Variants in CNTNAP2 observed in about 807,000 individuals in gnomAD.
CNTNAP2 encodes the protein contactin-associated protein-like 2.
In CNTNAP2, 98 loss-of-function variants were observed where a neutral mutation model predicts 155.2. That is an observed-to-expected ratio of 0.63 (90% CI 0.54 to 0.75). The LOEUF is 0.75. CNTNAP2 is among the 30% of genes least tolerant of loss of function. The pLI, the probability that CNTNAP2 is intolerant of heterozygous loss-of-function variation, is 0.00. For synonymous variants in CNTNAP2, 651 were observed against 631.2 expected, an observed-to-expected ratio of 1.03 and a Z score of -0.47; for missense variants, 1,727 against 1,688.1, an observed-to-expected ratio of 1.02 and a Z score of -0.40.
intron 1 of CNTNAP2, among the ~76,000 whole-genome samples, chr7:146,272,654 C>T (rs1219960772): frequency 6.8e-6 from 1 of 147,794 alleles, no homozygotes; most frequent in Non-Finnish European, 1.5e-5. Context: ...GTTTGTATAT[C>T]AGTGTGTGTG....
chr7:146,127,488 C>T (rs1797653592), intron 1 of CNTNAP2, among the ~76,000 whole-genome samples: 1 of 152,152 alleles, frequency 6.6e-6, no homozygotes, highest in Non-Finnish European at 1.5e-5. Context: ...AAAGAATAAA[C>T]CACAAATATT....
chr7:147,695,834 A>G (rs1346457924), intron 13 of CNTNAP2, among the ~76,000 whole-genome samples: 44 of 152,138 alleles, frequency 2.9e-4, no homozygotes, highest in Admixed American at 2.9e-3. Context: ...ATTTTTAAAA[A>G]GTATATTTAC....
At chr7:146,665,800 A>AAAAAAAAC (rs1563179456) in intron 1 of CNTNAP2, among the ~76,000 whole-genome samples, 3 of 144,708 alleles carry the variant, frequency 2.1e-5, no homozygotes, top group African/African-American at 8.0e-5. Context: ...AAAAAAAAAT[A>AAAAAAAAC]CATTTTGTAA....
At chr7:148,220,615 C>T (rs1462339725) in intron 19 of CNTNAP2, among the ~76,000 whole-genome samples, 1 of 135,296 alleles carries the variant, frequency 7.4e-6, no homozygotes, top group Middle Eastern at 3.4e-3. Context: ...ATATTAGCTC[C>T]ATAAAAAATA....
intron 13 of CNTNAP2, among the ~76,000 whole-genome samples, chr7:147,774,020 C>T (rs1797517234): frequency 6.6e-6 from 1 of 152,102 alleles, no homozygotes. Context: ...GTTGTTTTCT[C>T]TGCTTGGTAC....
At position 146,272,519 on chromosome 7, in the gene CNTNAP2, C is replaced by T. The variant is rs1157413642; in HGVS notation, c.97+155546C>T. Among the ~76,000 whole-genome samples, 6 of 152,140 alleles carry T rather than the reference C, an allele frequency of 3.9e-5. No homozygotes were observed. In the East Asian group the frequency reaches 9.6e-4, roughly 24 times the overall value. On this transcript the variant is annotated intron_variant, in intron 1 of 23. Transcript: ENST00000361727. ...CTTGGAGTGAAGTACTCTGGCTCCC[C>T]GCTGGTAGAAGTCCAAGCACGGCTT...
At chr7:146,949,693 C>T (rs1359221911) in intron 3 of CNTNAP2, among the ~76,000 whole-genome samples, 2 of 152,106 alleles carry the variant, frequency 1.3e-5, no homozygotes, top group Non-Finnish European at 2.9e-5. Context: ...GATCTTCAAG[C>T]CTCGTTTTCC....
chr7:148,291,314 A>T (rs7799783), intron 21 of CNTNAP2, among the ~76,000 whole-genome samples: 1 of 95,576 alleles, frequency 1.0e-5, no homozygotes, highest in African/African-American at 4.9e-5. Context: ...TATATATATA[A>T]AATATGGAAT....
intron 1 of CNTNAP2, among the ~76,000 whole-genome samples, chr7:146,740,145 T>C (rs1048659236): frequency 6.6e-6 from 1 of 152,186 alleles, no homozygotes; most frequent in Non-Finnish European, 1.5e-5. Flanking sequence ...TCCTTGTCAT[T>C]CTTTATTTTT....
chr7:146,172,951 A>T (rs890620346), intron 1 of CNTNAP2, among the ~76,000 whole-genome samples: 1 of 152,170 alleles, frequency 6.6e-6, no homozygotes, highest in Non-Finnish European at 1.5e-5. Context: ...AAGCCTGCTT[A>T]GTTTGGTTTT....
chr7:147,440,602 C>G (rs925661727), intron 10 of CNTNAP2, among the ~76,000 whole-genome samples: 1 of 152,082 alleles, frequency 6.6e-6, no homozygotes, highest in African/African-American at 2.4e-5. Context: ...ACATTCTTTT[C>G]TTTCTGATTG....
At chr7:146,833,439 C>G (rs1489342174) in intron 2 of CNTNAP2, among the ~76,000 whole-genome samples, 1 of 151,994 alleles carries the variant, frequency 6.6e-6, no homozygotes, top group African/African-American at 2.4e-5. Flanking sequence ...CATTTTGGGA[C>G]TTTCTCTACT....
At chr7:147,767,131 A>G (rs1000484611) in intron 13 of CNTNAP2, among the ~76,000 whole-genome samples, 1 of 152,122 alleles carries the variant, frequency 6.6e-6, no homozygotes. Context: ...GCTTGATACA[A>G]AAGTATTTTC....
intron 13 of CNTNAP2, among the ~76,000 whole-genome samples, chr7:147,766,952 C>G (rs938594654): frequency 6.6e-6 from 1 of 151,956 alleles, no homozygotes; most frequent in Non-Finnish European, 1.5e-5. Flanking sequence ...GATGTTCCTT[C>G]TATGAAAAAA....
At position 147,902,814 on chromosome 7, in the gene CNTNAP2, A is replaced by ATGTGTGTG. The variant is rs71183034; in HGVS notation, c.2099-729_2099-722dup. On this transcript the variant is annotated intron_variant, in intron 13 of 23. Transcript: ENST00000361727. The stretch of plus-strand genomic sequence containing the variant: ...TGTGTGTGTGTGTGTGTGTGTGTGT[A>ATGTGTGTG]TGTGTGTGTGTGTGTGTGTGTGTGT... 1.8e-4 allele frequency among the ~76,000 whole-genome samples: 23 copies of ATGTGTGTG among 127,398 alleles called. No homozygotes were observed. The South Asian group carries it at 2.8e-3, about 15-fold the overall frequency. 83.6% of individuals were successfully genotyped at this position (127,398 alleles called of 152,430 possible).
At chr7:147,829,945 C>T (rs1798521210) in intron 13 of CNTNAP2, among the ~76,000 whole-genome samples, 1 of 152,024 alleles carries the variant, frequency 6.6e-6, no homozygotes, top group Admixed American at 6.6e-5. Flanking sequence ...AGAAATCTCA[C>T]ATCTGCTTAC....
At chr7:146,849,543 G>C (rs1354090142) in intron 3 of CNTNAP2, among the ~76,000 whole-genome samples, 1 of 152,120 alleles carries the variant, frequency 6.6e-6, no homozygotes, top group African/African-American at 2.4e-5. Flanking sequence ...TCTGAACTCT[G>C]CTCCAACACT....
At chr7:147,596,730 C>T (rs1284886406) in intron 12 of CNTNAP2, among the ~76,000 whole-genome samples, 1 of 152,182 alleles carries the variant, frequency 6.6e-6, no homozygotes, top group Non-Finnish European at 1.5e-5. Context: ...CTGAGACCTA[C>T]TGAGCTGCAT....
chr7:148,251,731 G>T (rs887035689), intron 20 of CNTNAP2, among the ~76,000 whole-genome samples: 1 of 152,184 alleles, frequency 6.6e-6, no homozygotes, highest in Admixed American at 6.5e-5. Flanking sequence ...GCTCCAGCAG[G>T]TTCCCTATTC....
Sources: gnomAD v4.1 joint callset for allele counts (sites outside exome capture counted in the v4.1 genomes callset) on GRCh38, gnomAD v4.1.1 for gene constraint, MANE v1.5 for transcripts, NCBI Gene and HGNC (gene_info 2026-07-23, HGNC 2026-07-21) for gene names.